Variants in TRPV3 observed in about 807,000 individuals in gnomAD.
The protein encoded by TRPV3 is transient receptor potential cation channel subfamily V member 3, also known as VRL-3.
Under a neutral mutation model 87.1 loss-of-function variants are expected in TRPV3, and 88 were observed. The ratio of observed to expected loss-of-function variants is 1.01; its 90% confidence interval spans 0.85 to 1.21. The LOEUF (loss-of-function observed/expected upper bound fraction) is 1.21, where lower values mean the gene tolerates loss of function less well. Ranked by LOEUF, TRPV3 falls within the 50% of genes most tolerant of loss-of-function variation. The pLI is 0.00. For missense variants in TRPV3, 1,054 were observed against 1,030.1 expected (o/e 1.02, Z -0.32); for synonymous variants, 438 against 423.3 (o/e 1.03, Z -0.43).
In TRPV3 at chr17:3,513,975, C is replaced by T; in HGVS notation, c.2315G>A (p.Ser772Asn). The T allele has an allele frequency of 6.2e-7, 1 of 1,614,078 alleles. No individual in the cohort carries two copies. The highest frequency in any genetic ancestry group is 1.3e-5 in the African/African-American group (1 of 75,050). The change falls in exon 18 of 18, where the codon AGC (serine) becomes AAC (asparagine). Residue 772 changes from serine (S) to asparagine (N), a missense_variant. Ser to Asn is a conservative substitution (Grantham distance 46, BLOSUM62 1). Coordinates refer to ENST00000576742, the MANE Select transcript of TRPV3 (RefSeq NM_145068.4). Reference sequence around the variant, plus strand: ...TTCAAATGCATTGAGAGTGGTTTTGCTGTTGTTCCTGGAAGAATCTTGGAT... The same window carrying T: ...TTCAAATGCATTGAGAGTGGTTTTGTTGTTGTTCCTGGAAGAATCTTGGAT... The part of the protein sequence containing the change: ...NKIQDSSRNN[S>N]KTTLNAFEEV...
intron 8 of TRPV3, among the ~76,000 whole-genome samples, chr17:3,531,208 G>A (rs1597478123): frequency 1.3e-5 from 2 of 152,228 alleles, no homozygotes; most frequent in East Asian, 1.9e-4. Flanking sequence ...CAGAGCTGCT[G>A]TCTCTGGCTT....
At chr17:3,543,746 G>C in intron 4 of TRPV3, 118 bp from the exon 5 acceptor site, 1 of 1,362,730 alleles carries the variant, frequency 7.3e-7, no homozygotes, top group Non-Finnish European at 1.0e-6. Flanking sequence ...TCCCATGCCT[G>C]TCACAATGCC....
chr17:3,521,813 C>T (rs1276006501), intron 13 of TRPV3, among the ~76,000 whole-genome samples: 6 of 152,146 alleles, frequency 3.9e-5, no homozygotes, highest in Admixed American at 2.6e-4. Flanking sequence ...CAGTGACTCA[C>T]GCCTGTAATC....
At position 3,528,182 on chromosome 17, in the gene TRPV3, A is replaced by G; in HGVS notation, c.1402-56T>C. 7.0e-7 allele frequency: 1 copy of G among 1,431,204 alleles called. No individual in the cohort carries two copies. Among genetic ancestry groups the G allele is most frequent in the East Asian group, 2.4e-5 (1 of 42,168 alleles). The allele number at this position is 1,431,204 out of a possible 1,614,324, so 88.7% of individuals were successfully genotyped here. ...AGGAAGCAAGGAGGACAGGGCTGGC[A>G]CCAACTCTAGAGGGACCAAAACCCA... On this transcript the variant is annotated intron_variant, in intron 10 of 17. Coordinates refer to ENST00000576742, the MANE Select transcript of TRPV3 (RefSeq NM_145068.4). This position sits in a 1 kb window ranked among gnomAD's most constrained non-coding sequence, Gnocchi z 4.2.
rs533562615 is a variant in TRPV3, at chr17:3,538,730, G to A, written c.644-3017C>T. On this transcript the variant is annotated intron_variant, in intron 6 of 17. Coordinates refer to ENST00000576742, the MANE Select transcript of TRPV3 (RefSeq NM_145068.4). ...CTCCCAAGTAGCTGGGATTACAAGC[G>A]TGCCCCACCACGCCCTACTAGTTTT... is the stretch of plus-strand genomic sequence containing the variant. 2.6e-5 allele frequency among the ~76,000 whole-genome samples: 4 copies of A among 151,886 alleles called. 1 individual carries two copies. Among genetic ancestry groups the A allele is most frequent in the South Asian group, 4.2e-4 (2 of 4,812 alleles).
intron 11 of TRPV3, chr17:3,527,674 T>G: frequency 3.1e-6 from 1 of 324,272 alleles, no homozygotes. Flanking sequence ...AGAAGGATGG[T>G]CGGTAAGGAT....
At chr17:3,543,117 A>G (rs2074484809) in intron 5 of TRPV3, among the ~76,000 whole-genome samples, 1 of 151,320 alleles carries the variant, frequency 6.6e-6, no homozygotes, top group Non-Finnish European at 1.5e-5. Context: ...AAATGGCACC[A>G]TGCTGGACCC....
At chr17:3,527,715 C>T (rs112869303) in intron 11 of TRPV3, 9,577 of 405,566 alleles carry the variant, frequency 0.024, 845 homozygotes, top group African/African-American at 0.18. Flanking sequence ...GAATGAGTGG[C>T]TGGGTCCATG....
intron 7 of TRPV3, among the ~76,000 whole-genome samples, chr17:3,533,328 C>A (rs543590967): frequency 2.0e-5 from 3 of 152,176 alleles, no homozygotes; most frequent in Non-Finnish European, 4.4e-5. Flanking sequence ...TGGGGGCCTT[C>A]GCTCGGCTGT....
rs758697779 is a variant in TRPV3, at chr17:3,514,712, C to G, written c.2199-40G>C. 32 of 1,477,146 alleles carry G rather than the reference C, an allele frequency of 2.2e-5. No homozygotes were observed. In the Admixed American group the frequency reaches 4.5e-4, roughly 21 times the overall value. 91.5% of individuals were successfully genotyped at this position (1,477,146 alleles called of 1,614,324 possible). A position where few individuals can be genotyped will look rare whatever the true frequency, so the allele number is the denominator to read the frequency against. Reference sequence around the variant, plus strand: ...ATCATTCTTACTATTTCACCAGTGCCTCACTGAGTACTAACAAATAGCCCT... The same window carrying G: ...ATCATTCTTACTATTTCACCAGTGCGTCACTGAGTACTAACAAATAGCCCT... On this transcript the variant is annotated intron_variant, in intron 16 of 17. Coordinates refer to ENST00000576742, the MANE Select transcript of TRPV3 (RefSeq NM_145068.4).
intron 6 of TRPV3, among the ~76,000 whole-genome samples, chr17:3,538,437 CAA>C (rs1157337439): frequency 0.011 from 830 of 74,388 alleles, 6 homozygotes; most frequent in African/African-American, 0.028. Flanking sequence ...TGGAAAAGAA[CAA>C]AAAAAAAAAA....
At chr17:3,544,089 A>C (rs2074496063) in intron 4 of TRPV3, among the ~76,000 whole-genome samples, 1 of 138,676 alleles carries the variant, frequency 7.2e-6, no homozygotes. Flanking sequence ...GCTCACTACA[A>C]CCTCCACCTC....
intron 12 of TRPV3, 45 bp from the exon 13 acceptor site, chr17:3,524,408 C>T (rs772020744): frequency 1.9e-6 from 3 of 1,607,578 alleles, no homozygotes; most frequent in East Asian, 2.2e-5. Context: ...TACTTCTCAG[C>T]ATCAGGGCAA....
At chr17:3,527,092 C>T (rs1370741010) in intron 11 of TRPV3, among the ~76,000 whole-genome samples, 165 bp from the exon 12 acceptor site, 1 of 152,050 alleles carries the variant, frequency 6.6e-6, no homozygotes, top group African/African-American at 2.4e-5. Flanking sequence ...GCCTGGGGGG[C>T]GTAGGCACCT....
In TRPV3 at chr17:3,522,825, A is replaced by C. The variant is rs965704553; in HGVS notation, c.1743+1373T>G. ...GAGCGAGACTCAGTCACAAACAAAA[A>C]AAAAAAAAAAAAGCAAAAATTATTC... On this transcript the variant is annotated intron_variant, in intron 13 of 17. Coordinates refer to ENST00000576742, the MANE Select transcript of TRPV3 (RefSeq NM_145068.4). 5.1e-4 allele frequency among the ~76,000 whole-genome samples: 78 copies of C among 151,594 alleles called. 1 individual carries two copies. Among genetic ancestry groups the C allele is most frequent in the African/African-American group, 1.5e-3 (63 of 41,290 alleles).
At chr17:3,538,025 T>C (rs946989650) in intron 6 of TRPV3, among the ~76,000 whole-genome samples, 5 of 151,730 alleles carry the variant, frequency 3.3e-5, no homozygotes, top group African/African-American at 1.2e-4. Flanking sequence ...GGTGAAACTC[T>C]GTCTCTACTA....
intron 2 of TRPV3, chr17:3,554,450 C>T (rs1020809580): frequency 6.6e-5 from 22 of 335,868 alleles, no homozygotes; most frequent in Non-Finnish European, 1.2e-4. Flanking sequence ...CCTCACCTCC[C>T]TCAGGAGCCC....
rs545283420 is a variant in TRPV3 at position 3,540,635 on chromosome 17, C to T, written c.643+1887G>A. On this transcript the variant is annotated intron_variant, in intron 6 of 17. Transcript: ENST00000576742. ...GAACTGTAAGCAACAGACTTCATCC[C>T]TGCCCTCAAGGGAAACATGTTGCTA... Among the ~76,000 whole-genome samples the T allele has an allele frequency of 3.9e-5, 6 of 152,338 alleles. No individual in the cohort carries two copies. In the East Asian group the frequency reaches 1.2e-3, roughly 29 times the overall value.
chr17:3,544,645 T>C lies in TRPV3; in HGVS notation c.245A>G (p.Asp82Gly). 1.2e-6 allele frequency: 2 copies of C among 1,609,910 alleles called. No homozygotes were observed. Among genetic ancestry groups the C allele is most frequent in the Non-Finnish European group, 1.7e-6 (2 of 1,179,178 alleles). The change falls in exon 4 of 18, where the codon GAC becomes GGC. Residue 82 changes from aspartate to glycine, a missense_variant. Transcript: ENST00000576742. ...IRQCISGNCD[D>G]MDSPQSPQDD... ...CTGAGGAGACTGGGGGGAGTCCATG[T>C]CATCACAGTTACCAGAGATGCTGGA...
Sources: gnomAD v4.1 joint callset for allele counts (sites outside exome capture counted in the v4.1 genomes callset) on GRCh38, gnomAD v4.1.1 for gene constraint, Gnocchi (gnomAD v3.1) non-coding constraint, MANE v1.5 for transcripts, NCBI Gene and HGNC (gene_info 2026-07-23, HGNC 2026-07-21) for gene names.